The following BCOR variants were observed in gnomAD, a reference collection of about 807,000 sequenced individuals.
The protein encoded by BCOR is BCL6 corepressor, also known as BCL-6 corepressor.
Under a neutral mutation model 86.7 loss-of-function variants are expected in BCOR, and 10 were observed. The observed-to-expected ratio is 0.12, with a 90% CI of 0.07 to 0.20. The LOEUF (loss-of-function observed/expected upper bound fraction) is 0.20, where lower values mean the gene tolerates loss of function less well. Among genes scored for constraint, BCOR ranks in the 10% least tolerant of loss-of-function variants. The pLI is 1.00. For missense variants in BCOR, 1,259 were observed against 1,452.1 expected, an observed-to-expected ratio of 0.87 and a Z score of 2.16; for synonymous variants, 611 against 609.0, an observed-to-expected ratio of 1.00 and a Z score of -0.05.
At chrX:40,086,741 T>TCA (rs1936376932) in intron 1 of BCOR, among the ~76,000 whole-genome samples, 1 of 113,664 alleles carries the variant, frequency 8.8e-6, no homozygotes, top group African/African-American at 3.2e-5. Context: ...TAAACAGCCT[T>TCA]CACATTCCCC....
intron 1 of BCOR, among the ~76,000 whole-genome samples, chrX:40,108,348 C>T (rs1602228131): frequency 8.8e-6 from 1 of 113,284 alleles, no homozygotes; most frequent in South Asian, 3.5e-4. Context: ...CTGCGCTGCT[C>T]GCCAGCAACT....
intron 1 of BCOR, among the ~76,000 whole-genome samples, chrX:40,169,432 T>G (rs953471527): frequency 2.7e-5 from 3 of 111,806 alleles, no homozygotes; most frequent in Non-Finnish European, 5.6e-5. Flanking sequence ...GGCCAACCAT[T>G]TAGTTTATCA....
chrX:40,162,551 C>T lies in BCOR; in HGVS notation c.-41+14456G>A, dbSNP rs1027106395. On this transcript the variant is annotated intron_variant, in intron 1 of 14. Coordinates refer to the BCOR transcript ENST00000342274. ...TTCACCCAGGTGTATTACACTAATTCGGGGCTCCAATCTGCACTGAGGTCT... is the reference window on the plus strand; with the variant it reads ...TTCACCCAGGTGTATTACACTAATTTGGGGCTCCAATCTGCACTGAGGTCT... Among the ~76,000 whole-genome samples the T allele has an allele frequency of 9.9e-5, 11 of 111,179 alleles. No homozygotes were observed. The East Asian group carries it at 2.5e-3, about 26-fold the overall frequency.
intron 6 of BCOR, 101 bp downstream of exon 6, chrX:40,070,872 A>G: frequency 1.2e-6 from 1 of 821,000 alleles, no homozygotes; most frequent in South Asian, 2.1e-5. Context: ...CATAAGGACA[A>G]TCGGCCCTTC....
At chrX:40,072,067 G>A (rs928321507) in intron 4 of BCOR, 10 of 413,356 alleles carry the variant, frequency 2.4e-5, no homozygotes, top group East Asian at 1.6e-4. Flanking sequence ...ATAGGTAAAC[G>A]TCATGCAGTC....
chrX:40,162,848 C>T (rs947839181), intron 1 of BCOR, among the ~76,000 whole-genome samples: 5 of 111,777 alleles, frequency 4.5e-5, no homozygotes, highest in South Asian at 3.7e-4. Context: ...AATAGCAGAT[C>T]AAAGGCAGAG....
intron 8 of BCOR, 87 bp downstream of exon 8, chrX:40,063,521 G>T: frequency 1.3e-6 from 1 of 755,381 alleles, no homozygotes; most frequent in Non-Finnish European, 2.0e-6. Flanking sequence ...GGCCTTCTAA[G>T]ATCTCCTCAA....
Position 40,073,338 on chromosome X carries a change from G to T in BCOR, c.2008C>A (p.Pro670Thr). 3.3e-6 allele frequency: 4 copies of T among 1,211,104 alleles called. No individual in the cohort carries two copies. Among genetic ancestry groups the T allele is most frequent in the Non-Finnish European group, 4.5e-6 (4 of 894,834 alleles). ...GGTCCTTTGCCATGTAAGGAGAGGG[G>T]ACTTACAGCAATGCCCTCAGGGGCT... ...YPAPEGIAVS[P>T]LSLHGKGPVY... The change falls in exon 4 of 15, where the codon CCC (proline) becomes ACC (threonine). Residue 670 changes from proline (P) to threonine (T), a missense_variant. Pro to Thr is a conservative substitution (Grantham distance 38, BLOSUM62 -1). Around this residue, in one of 7 missense-constraint regions of BCOR, gnomAD observed 534 missense variants for 594.8 expected, o/e 0.90. Coordinates refer to ENST00000378444, the MANE Select transcript of BCOR (RefSeq NM_001123385.2).
chrX:40,051,952 T>C lies in BCOR; in HGVS notation c.*157A>G. ...TTAAAAGTTTAAAAGGAAAAAAACA[T>C]GTTTCTAAGTCCTTCTGACTGGAGT... On this transcript the variant is annotated 3_prime_UTR_variant, in exon 15 of 15. Transcript: ENST00000378444. 2.2e-6 allele frequency: 1 copy of C among 444,872 alleles called. No individual in the cohort carries two copies. Among genetic ancestry groups the C allele is most frequent in the Non-Finnish European group, 3.5e-6 (1 of 288,657 alleles). 36.7% of individuals were successfully genotyped at this position (444,872 alleles called of 1,213,427 possible). A position where few individuals can be genotyped will look rare whatever the true frequency, so the allele number is the denominator to read the frequency against.
At chrX:40,128,236 A>C (rs1432851537) in intron 1 of BCOR, among the ~76,000 whole-genome samples, 1 of 109,148 alleles carries the variant, frequency 9.2e-6, no homozygotes, top group African/African-American at 3.3e-5. Context: ...AAAACAAACA[A>C]AAAAACAAAA....
At chrX:40,170,545 C>T (rs1040448208) in intron 1 of BCOR, among the ~76,000 whole-genome samples, 6 of 111,005 alleles carry the variant, frequency 5.4e-5, no homozygotes, top group Non-Finnish European at 1.1e-4. Context: ...GACGGGGTTT[C>T]GCCATGTTGG....
chrX:40,095,844 C>G (rs1356499437), intron 1 of BCOR, among the ~76,000 whole-genome samples: 1 of 106,814 alleles, frequency 9.4e-6, no homozygotes, highest in Non-Finnish European at 1.9e-5. Context: ...TCATTAACAG[C>G]AAATTACGCC....
At chrX:40,136,208 G>C (rs1213920632) in intron 1 of BCOR, among the ~76,000 whole-genome samples, 3 of 112,337 alleles carry the variant, frequency 2.7e-5, no homozygotes, top group Middle Eastern at 9.2e-3. Context: ...TAGAAGATGA[G>C]GGACACGTGG....
rs1934917337 is a variant in BCOR, at chrX:40,062,226, G to A, written c.4341C>T (p.Arg1447=). The A allele has an allele frequency of 2.5e-6, 3 of 1,210,798 alleles. No homozygotes were observed. In the African/African-American group the frequency reaches 5.2e-5, roughly 21 times the overall value. Residue 1447 remains arginine, a synonymous_variant, in exon 10 of 15, where the codon CGC becomes CGT. Coordinates refer to ENST00000378444, the MANE Select transcript of BCOR (RefSeq NM_001123385.2). ...SSSPQETTQS[R]PMPPEARRLI... ...GTCTCCGTGCTTCCGGCGGCATAGG[G>A]CGAGACTGGGTGGTCTCCTGAGGGG...
intron 6 of BCOR, among the ~76,000 whole-genome samples, chrX:40,067,356 G>T (rs1329494337): frequency 9.0e-6 from 1 of 111,605 alleles, no homozygotes; most frequent in Non-Finnish European, 1.9e-5. Context: ...CTGCCCAGTG[G>T]GGGTGGGGAG....
intron 14 of BCOR, 193 bp downstream of exon 14, chrX:40,053,693 C>A (rs1442482773): frequency 4.1e-6 from 2 of 486,754 alleles, no homozygotes; most frequent in East Asian, 3.7e-5. Flanking sequence ...CTGTGCCCCA[C>A]CCCCCACCAC....
rs139011455 is a variant in BCOR, at chrX:40,073,058, C to T, written c.2288G>A (p.Arg763Gln). 17 of 1,210,443 alleles carry T rather than the reference C, an allele frequency of 1.4e-5. No homozygotes were observed. The highest frequency in any genetic ancestry group is 3.0e-5 in the East Asian group (1 of 33,780). ...GCTAGTTTCCAAAATCTCGGAAAAC[C>T]GATTCCGGAGGGTTGGGTCCTCGTA... Reference protein sequence around the residue: ...ARYEDPTLRNRFSEILETSST... With the variant: ...ARYEDPTLRNQFSEILETSST... The change falls in exon 4 of 15, where the codon CGG becomes CAG. Residue 763 changes from arginine to glutamine, a missense_variant. Physicochemically the swap from Arg to Gln is conservative, Grantham distance 43. Transcript: ENST00000378444.
At chrX:40,110,809 C>G (rs1157079285) in intron 1 of BCOR, among the ~76,000 whole-genome samples, 1 of 100,414 alleles carries the variant, frequency 1.0e-5, no homozygotes, top group Non-Finnish European at 2.0e-5. Context: ...CTCCCGGGTT[C>G]AAGTGATTCT....
chrX:40,155,594 C>A (rs915223052), intron 1 of BCOR, among the ~76,000 whole-genome samples: 1 of 110,564 alleles, frequency 9.0e-6, no homozygotes, highest in Non-Finnish European at 1.9e-5. Context: ...GCGAGGAGAC[C>A]CCACTCGGAC....
Sources: gnomAD v4.1 joint callset for allele counts (sites outside exome capture counted in the v4.1 genomes callset) on GRCh38, gnomAD v4.1.1 for gene constraint, gnomAD v4.1.1 regional missense constraint, MANE v1.5 for transcripts, NCBI Gene and HGNC (gene_info 2026-07-23, HGNC 2026-07-21) for gene names.